The following PCDH15 variants were observed in gnomAD, a reference collection of about 807,000 sequenced individuals.
The protein encoded by PCDH15 is protocadherin-15.
A neutral mutation model predicts 178.5 loss-of-function variants in PCDH15; 129 were observed. The ratio of observed to expected loss-of-function variants is 0.72; its 90% confidence interval spans 0.63 to 0.84. The LOEUF is 0.84. Among genes scored for constraint, PCDH15 ranks in the 40% least tolerant of loss-of-function variants. The pLI is 0.00. For synonymous variants in PCDH15, 800 were observed against 732.0 expected (o/e 1.09, Z -1.50); for missense variants, 2,230 against 2,099.9 (o/e 1.06, Z -1.21).
intron 9 of PCDH15, among the ~76,000 whole-genome samples, chr10:54,231,293 G>T (rs2054039396): frequency 6.6e-6 from 1 of 152,238 alleles, no homozygotes; most frequent in African/African-American, 2.4e-5. Flanking sequence ...CTGCTTCAGA[G>T]CATGCAAGCC....
intron 23 of PCDH15, among the ~76,000 whole-genome samples, chr10:53,953,066 G>T (rs1482109597): frequency 6.6e-6 from 1 of 152,238 alleles, no homozygotes; most frequent in Non-Finnish European, 1.5e-5. Flanking sequence ...TCAGAAGTGG[G>T]TGGGGCCCCT....
At chr10:54,858,026 G>T (rs1953771099) in intron 3 of PCDH15, among the ~76,000 whole-genome samples, 2 of 152,130 alleles carry the variant, frequency 1.3e-5, no homozygotes, top group Admixed American at 6.6e-5. Flanking sequence ...CTGTGCAATA[G>T]ATCTTGAAAA....
intron 2 of PCDH15, among the ~76,000 whole-genome samples, chr10:55,618,415 A>C (rs1045454160): frequency 3.3e-5 from 5 of 152,068 alleles, no homozygotes; most frequent in Non-Finnish European, 7.4e-5. Flanking sequence ...AACAATTTCA[A>C]CTGTACTGTT....
intron 2 of PCDH15, among the ~76,000 whole-genome samples, chr10:55,143,585 A>G (rs560663111): frequency 1.2e-4 from 19 of 152,202 alleles, no homozygotes; most frequent in Middle Eastern, 3.4e-3. Flanking sequence ...ATAAATAAAT[A>G]AATAAATTGC....
chr10:55,236,536 T>C (rs1450278851), intron 1 of PCDH15, among the ~76,000 whole-genome samples: 1 of 152,026 alleles, frequency 6.6e-6, no homozygotes, highest in African/African-American at 2.4e-5. Flanking sequence ...TTGTGCCTTA[T>C]TAAACATTAA....
intron 20 of PCDH15, among the ~76,000 whole-genome samples, chr10:54,007,095 CTTTTCAGATTCATATTCAG>C (rs2092411631): frequency 1.3e-5 from 2 of 152,150 alleles, no homozygotes; most frequent in African/African-American, 4.8e-5. Context: ...ACATATTCAG[CTTTTCAGATTCATATTCAG>C]TTTTCAGTTT....
At chr10:54,887,673 A>G (rs1954382832) in intron 3 of PCDH15, among the ~76,000 whole-genome samples, 1 of 152,130 alleles carries the variant, frequency 6.6e-6, no homozygotes, top group Non-Finnish European at 1.5e-5. Context: ...GAAAATTAAT[A>G]GGTGTTTCAT....
At chr10:54,813,657 C>A (rs1258600388) in intron 3 of PCDH15, among the ~76,000 whole-genome samples, 2 of 152,154 alleles carry the variant, frequency 1.3e-5, no homozygotes, top group African/African-American at 4.8e-5. Flanking sequence ...CCTCTGTGTA[C>A]CACAATCATT....
intron 37 of PCDH15, chr10:53,809,521 G>T (rs755526212): frequency 1.4e-5 from 22 of 1,606,390 alleles, no homozygotes; most frequent in Non-Finnish European, 1.8e-5. Flanking sequence ...TTCAACCTTT[G>T]GTTTTTTAAT....
intron 2 of PCDH15, among the ~76,000 whole-genome samples, chr10:54,632,547 C>T (rs1247160854): frequency 6.6e-6 from 1 of 152,094 alleles, no homozygotes; most frequent in African/African-American, 2.4e-5. Context: ...ACCTTGGCAA[C>T]ATTTCAGCAA....
At chr10:55,250,800 G>T (rs996487551) in intron 1 of PCDH15, among the ~76,000 whole-genome samples, 16 of 152,046 alleles carry the variant, frequency 1.1e-4, no homozygotes, top group African/African-American at 3.9e-4. Flanking sequence ...CTCCCAAAGT[G>T]CTGGGATTAC....
At chr10:55,560,672 A>C (rs1190005237) in intron 2 of PCDH15, among the ~76,000 whole-genome samples, 1 of 151,916 alleles carries the variant, frequency 6.6e-6, no homozygotes, top group African/African-American at 2.4e-5. Flanking sequence ...GTCACCATGT[A>C]ATATCAATGA....
chr10:54,225,001 T>C (rs1433481297), intron 9 of PCDH15, among the ~76,000 whole-genome samples: 1 of 152,154 alleles, frequency 6.6e-6, no homozygotes, highest in Non-Finnish European at 1.5e-5. Flanking sequence ...TTTAAATCCA[T>C]TTTTACATAT....
At chr10:54,760,853 A>G (rs937069914) in intron 1 of PCDH15, among the ~76,000 whole-genome samples, 1 of 152,204 alleles carries the variant, frequency 6.6e-6, no homozygotes, top group African/African-American at 2.4e-5. Context: ...AAACTGAAGT[A>G]TCTGAGTTCA....
chr10:54,588,104 T>C (rs755412888), intron 2 of PCDH15, among the ~76,000 whole-genome samples: 25 of 152,154 alleles, frequency 1.6e-4, no homozygotes, highest in Non-Finnish European at 3.4e-4. Flanking sequence ...TTCACTACCA[T>C]GTAAAGCGAG....
intron 20 of PCDH15, among the ~76,000 whole-genome samples, chr10:54,006,541 G>T (rs759044035): frequency 9.9e-5 from 15 of 152,054 alleles, no homozygotes; most frequent in Admixed American, 5.2e-4. Context: ...ACAACCTCCT[G>T]GTCTCTCAAG....
intron 3 of PCDH15, among the ~76,000 whole-genome samples, chr10:54,835,935 A>C (rs912868745): frequency 6.6e-6 from 1 of 152,192 alleles, no homozygotes; most frequent in Admixed American, 6.6e-5. Flanking sequence ...AATTAAATGC[A>C]AACATTCTCA....
At chr10:54,781,121 GA>G (rs1950317512) in intron 1 of PCDH15, among the ~76,000 whole-genome samples, 1 of 152,066 alleles carries the variant, frequency 6.6e-6, no homozygotes, top group African/African-American at 2.4e-5. Context: ...GCCCAAGTGA[GA>G]AAAGTCAAAT....
In PCDH15 at chr10:55,074,864, C is replaced by T. The variant is rs1319820112; in HGVS notation, c.-80+91712G>A. ...ATGTTTTTGGGTTTTACATTTAAGT[C>T]TTTAATCCATCTTGAGATAATTTTT... On this transcript the variant is annotated intron_variant, in intron 2 of 5. Transcript: ENST00000458638. Among the ~76,000 whole-genome samples, 3 of 152,064 alleles carry T rather than the reference C, an allele frequency of 2.0e-5. No individual in the cohort carries two copies. In the East Asian group the frequency reaches 5.8e-4, roughly 29 times the overall value.
Sources: gnomAD v4.1 joint callset for allele counts (sites outside exome capture counted in the v4.1 genomes callset) on GRCh38, gnomAD v4.1.1 for gene constraint, MANE v1.5 for transcripts, NCBI Gene and HGNC (gene_info 2026-07-23, HGNC 2026-07-21) for gene names.